The following SLC6A13 variants were observed in gnomAD, a reference collection of about 807,000 sequenced individuals.
SLC6A13 encodes sodium- and chloride-dependent GABA transporter 2.
A neutral mutation model predicts 72.9 loss-of-function variants in SLC6A13; 69 were observed. That is an observed-to-expected ratio of 0.95 (90% CI 0.78 to 1.16). SLC6A13 has a LOEUF of 1.16. Among genes scored for constraint, SLC6A13 ranks in the 50% most tolerant of loss-of-function variants. The probability of loss-of-function intolerance (pLI) is 0.00; values close to 1 mark genes in which losing one functional copy is unlikely to be tolerated. For missense variants in SLC6A13, 735 were observed against 760.5 expected (o/e 0.97, Z 0.39); for synonymous variants, 303 against 303.0 (o/e 1.00, Z 0.00).
At chr12:249,566 AAC>A (rs1942467648) in intron 2 of SLC6A13, among the ~76,000 whole-genome samples, 2 of 152,142 alleles carry the variant, frequency 1.3e-5, no homozygotes, top group African/African-American at 4.8e-5. Context: ...CTCAAAAAGA[AAC>A]AGTCTGAATA....
At chr12:258,936 G>GA in intron 2 of SLC6A13, 1 of 985,570 alleles carries the variant, frequency 1.0e-6, no homozygotes, top group Non-Finnish European at 1.2e-6. Context: ...AGCAAAGTAG[G>GA]AAAAAGACAC....
intron 2 of SLC6A13, among the ~76,000 whole-genome samples, chr12:252,752 G>A (rs1161187110): frequency 1.3e-5 from 2 of 152,240 alleles, no homozygotes; most frequent in Admixed American, 6.5e-5. Context: ...ACAGCTATGG[G>A]CCCAGCCCAA....
intron 7 of SLC6A13, among the ~76,000 whole-genome samples, chr12:233,369 G>A (rs1354831630): frequency 1.3e-5 from 2 of 152,192 alleles, no homozygotes; most frequent in African/African-American, 4.8e-5. Flanking sequence ...GCCCATTCCA[G>A]GCCTTGCTTT....
chr12:222,270 C>A (rs1429096087), intron 13 of SLC6A13, among the ~76,000 whole-genome samples: 5 of 152,218 alleles, frequency 3.3e-5, no homozygotes, highest in African/African-American at 1.2e-4. Flanking sequence ...GGGTTTCAGT[C>A]CTGGCCTGTG....
At chr12:221,161 C>T in intron 14 of SLC6A13, 91 bp from the exon 15 acceptor site, 1 of 1,471,602 alleles carries the variant, frequency 6.8e-7, no homozygotes, top group Non-Finnish European at 9.0e-7. Context: ...CCTCCCCACA[C>T]ACAAACCTGC....
At position 226,419 on chromosome 12, in the gene SLC6A13, C is replaced by G. The variant is rs767925156; in HGVS notation, c.1031G>C (p.Gly344Ala). The G allele has an allele frequency of 1.2e-6, 2 of 1,614,086 alleles. No homozygotes were observed. The highest frequency in any genetic ancestry group is 1.7e-6 in the Non-Finnish European group (2 of 1,179,952). Reference sequence around the variant, plus strand: ...CTCGGCCACCTCAGAAATGGGCACCCCCTGCTCCTGAGACATGAAGCCCAG... The same window carrying G: ...CTCGGCCACCTCAGAAATGGGCACCGCCTGCTCCTGAGACATGAAGCCCAG... ...SILGFMSQEQGVPISEVAESG... is the reference protein window; with the variant it reads ...SILGFMSQEQAVPISEVAESG... The change falls in exon 9 of 15, where the codon GGG (glycine) becomes GCG (alanine). Residue 344 changes from glycine to alanine, a missense_variant. Coordinates refer to ENST00000343164, the MANE Select transcript of SLC6A13 (RefSeq NM_016615.5).
intron 14 of SLC6A13, 77 bp from the exon 15 acceptor site, chr12:221,147 G>A: frequency 6.6e-7 from 1 of 1,510,382 alleles, no homozygotes. Flanking sequence ...ACCAACATCT[G>A]CTGCCTCCCC....
chr12:241,181 G>C (rs1003653710), intron 4 of SLC6A13, among the ~76,000 whole-genome samples: 10 of 152,128 alleles, frequency 6.6e-5, no homozygotes, highest in Non-Finnish European at 1.5e-4. Flanking sequence ...GCAGGCGCCT[G>C]TAATCCCATC....
chr12:260,623 A>T (rs1942895223), intron 1 of SLC6A13, among the ~76,000 whole-genome samples: 1 of 152,250 alleles, frequency 6.6e-6, no homozygotes, highest in Admixed American at 6.5e-5. Flanking sequence ...AGATATGTTG[A>T]TAAATTATGG....
At chr12:247,755 AAAAT>A (rs1327285439) in intron 2 of SLC6A13, among the ~76,000 whole-genome samples, 2 of 152,214 alleles carry the variant, frequency 1.3e-5, no homozygotes, top group Non-Finnish European at 2.9e-5. Flanking sequence ...TGGTTAAACA[AAAAT>A]AAAAACAATG....
chr12:252,477 A>G (rs1038765726), intron 2 of SLC6A13, among the ~76,000 whole-genome samples: 2 of 152,224 alleles, frequency 1.3e-5, no homozygotes, highest in African/African-American at 4.8e-5. Context: ...GTACACTTTA[A>G]CTATGTGTGG....
chr12:253,262 G>C (rs534611238), intron 2 of SLC6A13, among the ~76,000 whole-genome samples: 1 of 152,232 alleles, frequency 6.6e-6, no homozygotes, highest in African/African-American at 2.4e-5. Context: ...AATTTCTTAC[G>C]GCATAAACTG....
At chr12:222,013 C>T (rs1941233615) in intron 13 of SLC6A13, among the ~76,000 whole-genome samples, 1 of 152,198 alleles carries the variant, frequency 6.6e-6, no homozygotes, top group Non-Finnish European at 1.5e-5. Flanking sequence ...CATTCTGGAG[C>T]CAGGGTTTGA....
chr12:228,134 A>G (rs1476766417), intron 7 of SLC6A13, among the ~76,000 whole-genome samples: 1 of 152,158 alleles, frequency 6.6e-6, no homozygotes, highest in African/African-American at 2.4e-5. Context: ...ACCTCTGTCT[A>G]AAGACAGGGA....
intron 7 of SLC6A13, among the ~76,000 whole-genome samples, chr12:233,282 C>T (rs748285579): frequency 5.3e-5 from 8 of 152,186 alleles, no homozygotes; most frequent in Non-Finnish European, 1.0e-4. Context: ...CTCCGGCCCT[C>T]GACACCTCCT....
chr12:231,020 C>T (rs375794737), intron 7 of SLC6A13, among the ~76,000 whole-genome samples: 6 of 152,220 alleles, frequency 3.9e-5, no homozygotes, highest in Non-Finnish European at 5.9e-5. Flanking sequence ...ACTTGCTTAA[C>T]GCAGGGATCT....
chr12:229,426 T>C (rs1177199289), intron 7 of SLC6A13, among the ~76,000 whole-genome samples: 1 of 152,250 alleles, frequency 6.6e-6, no homozygotes, highest in Non-Finnish European at 1.5e-5. Flanking sequence ...AAGATAGTCA[T>C]CTCAGGAAAA....
At chr12:259,559 A>G (rs1942859904) in intron 2 of SLC6A13, 2 of 1,392,688 alleles carry the variant, frequency 1.4e-6, no homozygotes. Flanking sequence ...AACTTGTCCA[A>G]GATCACACAG....
chr12:256,467 A>G (rs562609117), intron 2 of SLC6A13: 2 of 151,832 alleles, frequency 1.3e-5, no homozygotes, highest in East Asian at 3.9e-4. Context: ...CATCCCTCTC[A>G]CTCACCTCCC....
Sources: allele counts gnomAD v4.1 joint callset (sites outside exome capture counted in the v4.1 genomes callset), GRCh38; gene constraint gnomAD v4.1.1; transcripts MANE v1.5; gene names NCBI Gene and HGNC (gene_info 2026-07-23, HGNC 2026-07-21).